The following RALY variants were observed in gnomAD, a reference collection of about 807,000 sequenced individuals.
RALY encodes the protein RALY heterogeneous nuclear ribonucleoprotein.
In RALY, 15 loss-of-function variants were observed where a neutral mutation model predicts 30.7. The ratio of observed to expected loss-of-function variants is 0.49; its 90% CI spans 0.33 to 0.75. RALY has a LOEUF of 0.75. Ranked by LOEUF, RALY falls within the 30% of genes least tolerant of loss-of-function variation. The pLI, the probability that RALY is intolerant of heterozygous loss-of-function variation, is 0.02. For missense variants in RALY, 339 were observed against 414.3 expected, an observed-to-expected ratio of 0.82 and a Z score of 1.58; for synonymous variants, 177 against 170.8, an observed-to-expected ratio of 1.04 and a Z score of -0.28.
At chr20:33,996,341 T>C (rs2030629441) in intron 1 of RALY, among the ~76,000 whole-genome samples, 1 of 152,186 alleles carries the variant, frequency 6.6e-6, no homozygotes, top group Non-Finnish European at 1.5e-5. Flanking sequence ...GTGGGGATTG[T>C]TAAGAAAATG....
chr20:34,048,321 G>A (rs2032955491), intron 2 of RALY, among the ~76,000 whole-genome samples: 2 of 152,186 alleles, frequency 1.3e-5, no homozygotes, highest in South Asian at 4.1e-4. Flanking sequence ...GGGGGGATGA[G>A]AGTGTTGGGT....
intron 2 of RALY, among the ~76,000 whole-genome samples, chr20:34,062,964 T>G (rs1271928289): frequency 6.6e-6 from 1 of 152,130 alleles, no homozygotes; most frequent in Non-Finnish European, 1.5e-5. Flanking sequence ...GCTCAAAGGA[T>G]CAGTGTTAGG....
At chr20:34,007,176 T>C (rs1449120319) in intron 1 of RALY, among the ~76,000 whole-genome samples, 1 of 152,196 alleles carries the variant, frequency 6.6e-6, no homozygotes, top group African/African-American at 2.4e-5. Context: ...GGCCTACTTG[T>C]CTGCAAAGCT....
At chr20:33,995,904 T>G (rs575660737) in intron 1 of RALY, among the ~76,000 whole-genome samples, 120 of 152,332 alleles carry the variant, frequency 7.9e-4, no homozygotes, top group African/African-American at 2.8e-3. Flanking sequence ...AAACCACTTA[T>G]TCAGGTCTTA....
intron 8 of RALY, 123 bp downstream of exon 8, chr20:34,077,368 A>G (rs2033922691): frequency 1.3e-6 from 2 of 1,542,820 alleles, no homozygotes; most frequent in Non-Finnish European, 1.7e-6. Context: ...TCTCCTTCCC[A>G]GGGGTTCTGG....
chr20:34,021,649 A>C (rs571626066), intron 1 of RALY, among the ~76,000 whole-genome samples: 1 of 152,258 alleles, frequency 6.6e-6, no homozygotes, highest in East Asian at 1.9e-4. Flanking sequence ...GACACATTCA[A>C]ACCATAGCAG....
At chr20:34,017,951 T>G (rs1378241301) in intron 1 of RALY, among the ~76,000 whole-genome samples, 1 of 152,186 alleles carries the variant, frequency 6.6e-6, no homozygotes, top group Non-Finnish European at 1.5e-5. Flanking sequence ...TATAAGGAAT[T>G]CTGAGATTCC....
intron 1 of RALY, among the ~76,000 whole-genome samples, chr20:33,996,711 G>A (rs550360152): frequency 3.3e-5 from 5 of 151,756 alleles, no homozygotes; most frequent in African/African-American, 4.8e-5. Context: ...AAATACATTC[G>A]CATGGTTATG....
At position 34,067,618 on chromosome 20, in the gene RALY, C is replaced by T. The variant is rs148909768; in HGVS notation, c.-9-4448C>T. On this transcript the variant is annotated intron_variant, in intron 2 of 9. Coordinates refer to ENST00000246194, the MANE Select transcript of RALY (RefSeq NM_016732.3). ...TGAATTTGTTTTTGCCACATTTCTT[C>T]TACTCTTACTAGCCTGGAGAAGCAG... 6.4e-3 allele frequency among the ~76,000 whole-genome samples: 980 copies of T among 152,278 alleles called. 10 individuals are homozygous for T. Among genetic ancestry groups the T allele is most frequent in the African/African-American group, 0.022 (925 of 41,554 alleles).
intron 3 of RALY, among the ~76,000 whole-genome samples, chr20:34,072,674 C>T (rs961475348): frequency 1.3e-5 from 2 of 152,192 alleles, no homozygotes; most frequent in African/African-American, 2.4e-5. Flanking sequence ...AGAACCCTTT[C>T]TGAGAGCGAG....
chr20:34,046,621 G>A (rs776544560), intron 2 of RALY, among the ~76,000 whole-genome samples: 79 of 152,266 alleles, frequency 5.2e-4, no homozygotes, highest in Admixed American at 1.5e-3. Flanking sequence ...ACTTACCACT[G>A]CAAGTGATTC....
At chr20:34,017,637 A>G (rs948928245) in intron 1 of RALY, 2 of 152,226 alleles carry the variant, frequency 1.3e-5, no homozygotes, top group Non-Finnish European at 2.9e-5. Flanking sequence ...ATTTGGGATC[A>G]ATGGGAAGGT....
At chr20:34,074,237 G>T (rs1302017235) in intron 5 of RALY, among the ~76,000 whole-genome samples, 3 of 152,152 alleles carry the variant, frequency 2.0e-5, no homozygotes, top group African/African-American at 7.2e-5. Flanking sequence ...CCAAGCAGCT[G>T]GTAGGAGCCC....
At chr20:34,078,148 T>C (rs2033947168) in intron 8 of RALY, among the ~76,000 whole-genome samples, 2 of 152,246 alleles carry the variant, frequency 1.3e-5, no homozygotes, top group Admixed American at 6.5e-5. Context: ...TTCTCAGGCA[T>C]AGCAGTGTCC....
At chr20:34,010,116 G>A (rs145101734) in intron 1 of RALY, among the ~76,000 whole-genome samples, 1 of 152,256 alleles carries the variant, frequency 6.6e-6, no homozygotes, top group African/African-American at 2.4e-5. Flanking sequence ...TGTCAAGTTG[G>A]CATTTTTTGC....
intron 2 of RALY, among the ~76,000 whole-genome samples, chr20:34,031,948 A>G (rs903441776): frequency 1.3e-5 from 2 of 152,076 alleles, no homozygotes; most frequent in East Asian, 1.9e-4. Flanking sequence ...GCTCTTTAAC[A>G]TGACCTCACA....
At chr20:34,023,548 C>G (rs934570227) in intron 1 of RALY, among the ~76,000 whole-genome samples, 1 of 152,014 alleles carries the variant, frequency 6.6e-6, no homozygotes. Context: ...GAGGCCTGTC[C>G]TTGGATTTTG....
At chr20:34,006,867 G>C (rs561249251) in intron 1 of RALY, among the ~76,000 whole-genome samples, 24 of 152,276 alleles carry the variant, frequency 1.6e-4, no homozygotes, top group African/African-American at 5.8e-4. Flanking sequence ...TTCTCAGAAT[G>C]TATCCCCGTT....
At chr20:33,997,512 G>A (rs575198643) in intron 1 of RALY, among the ~76,000 whole-genome samples, 1 of 152,256 alleles carries the variant, frequency 6.6e-6, no homozygotes, top group South Asian at 2.1e-4. Flanking sequence ...TTGGGCTGCA[G>A]TTATCAGGAA....
Sources: allele counts gnomAD v4.1 joint callset (sites outside exome capture counted in the v4.1 genomes callset), GRCh38; gene constraint gnomAD v4.1.1; transcripts MANE v1.5; gene names NCBI Gene and HGNC (gene_info 2026-07-23, HGNC 2026-07-21).